STPG2: variants seen among roughly 807,000 people sequenced by gnomAD.
STPG2 encodes sperm tail PG-rich repeat containing 2, also known as sperm-tail PG-rich repeat-containing protein 2.
Under a neutral mutation model 54.2 loss-of-function variants are expected in STPG2, and 56 were observed. That is an observed-to-expected ratio of 1.03 (90% CI 0.83 to 1.29). STPG2 has a LOEUF of 1.29. Among genes scored for constraint, STPG2 ranks in the 50% most tolerant of loss-of-function variants. STPG2 has a pLI of 0.00. For synonymous variants in STPG2, 200 were observed against 181.8 expected (o/e 1.10, Z -0.81); for missense variants, 596 against 544.9 (o/e 1.09, Z -0.93).
chr4:97,536,577 A>G (rs2148857164), intron 4 of STPG2, among the ~76,000 whole-genome samples: 1 of 152,298 alleles, frequency 6.6e-6, no homozygotes, highest in African/African-American at 2.4e-5. Flanking sequence ...TTCAAACATC[A>G]CTGGCTAGTG....
At chr4:97,528,825 C>T (rs998933438) in intron 4 of STPG2, among the ~76,000 whole-genome samples, 2 of 152,120 alleles carry the variant, frequency 1.3e-5, no homozygotes, top group African/African-American at 2.4e-5. Context: ...TATAGGAATG[C>T]TTGTGATTTT....
intron 9 of STPG2, among the ~76,000 whole-genome samples, chr4:97,793,624 C>A (rs2149082703): frequency 6.6e-6 from 1 of 150,994 alleles, no homozygotes; most frequent in South Asian, 2.1e-4. Flanking sequence ...GGTCTGAATG[C>A]AAAAAGAAAC....
chr4:97,466,742 A>C (rs1042880178), intron 4 of STPG2, among the ~76,000 whole-genome samples: 2 of 152,050 alleles, frequency 1.3e-5, no homozygotes, highest in African/African-American at 4.8e-5. Flanking sequence ...CAGAAATATA[A>C]GAACAAAATA....
At chr4:97,454,442 A>G (rs1435157308) in intron 4 of STPG2, among the ~76,000 whole-genome samples, 1 of 142,104 alleles carries the variant, frequency 7.0e-6, no homozygotes, top group Non-Finnish European at 1.5e-5. Context: ...GAACCCGGGA[A>G]GCAGAGCTTG....
At chr4:98,005,347 C>A (rs1735545372) in intron 5 of STPG2, among the ~76,000 whole-genome samples, 1 of 152,152 alleles carries the variant, frequency 6.6e-6, no homozygotes, top group Admixed American at 6.6e-5. Context: ...ATCCTTCAAT[C>A]CAATCAAGTT....
intron 5 of STPG2, among the ~76,000 whole-genome samples, chr4:98,098,614 G>A (rs997513593): frequency 1.3e-5 from 2 of 151,990 alleles, no homozygotes; most frequent in African/African-American, 4.8e-5. Flanking sequence ...AAGCAAAAAT[G>A]GACAAATGGT....
chr4:97,463,772 A>G (rs1729725049), intron 4 of STPG2, among the ~76,000 whole-genome samples: 1 of 152,182 alleles, frequency 6.6e-6, no homozygotes, highest in South Asian at 2.1e-4. Flanking sequence ...ATTATCTTAC[A>G]TTAGTATATT....
intron 10 of STPG2, among the ~76,000 whole-genome samples, chr4:97,697,455 C>T (rs1254563558): frequency 6.6e-6 from 1 of 152,172 alleles, no homozygotes; most frequent in Admixed American, 6.6e-5. Flanking sequence ...TGGATAAAAA[C>T]ACTTGGAGGC....
At chr4:97,681,131 A>C (rs1357432531) in intron 10 of STPG2, among the ~76,000 whole-genome samples, 2 of 151,960 alleles carry the variant, frequency 1.3e-5, no homozygotes, top group Admixed American at 1.3e-4. Context: ...TTTCCTGGTG[A>C]AATACAGATG....
At chr4:97,481,810 T>A (rs528596345) in intron 4 of STPG2, among the ~76,000 whole-genome samples, 1 of 151,744 alleles carries the variant, frequency 6.6e-6, no homozygotes, top group East Asian at 1.9e-4. Flanking sequence ...GTTTTACTAC[T>A]TCTTTTCCAA....
At chr4:97,696,517 A>G (rs1348706897) in intron 10 of STPG2, among the ~76,000 whole-genome samples, 5 of 152,220 alleles carry the variant, frequency 3.3e-5, no homozygotes, top group African/African-American at 1.2e-4. Context: ...AATAGAGATA[A>G]ATAGATGGGA....
chr4:97,843,298 T>A (rs1728855809), intron 8 of STPG2, among the ~76,000 whole-genome samples: 1 of 151,462 alleles, frequency 6.6e-6, no homozygotes, highest in Non-Finnish European at 1.5e-5. Flanking sequence ...ACACAAAAGC[T>A]AAAAATGTCT....
At chr4:97,612,649 G>C (rs1257716269) in intron 10 of STPG2, among the ~76,000 whole-genome samples, 1 of 152,036 alleles carries the variant, frequency 6.6e-6, no homozygotes, top group Non-Finnish European at 1.5e-5. Flanking sequence ...TTACAAAGGA[G>C]GCTGGGGAAT....
At chr4:98,135,616 T>C (rs1259074104) in intron 1 of STPG2, among the ~76,000 whole-genome samples, 1 of 151,720 alleles carries the variant, frequency 6.6e-6, no homozygotes, top group African/African-American at 2.4e-5. Context: ...AAGGTGTTAA[T>C]TTAGTGACTG....
chr4:97,548,358 A>C (rs1731891470), intron 4 of STPG2, among the ~76,000 whole-genome samples: 1 of 152,160 alleles, frequency 6.6e-6, no homozygotes, highest in African/African-American at 2.4e-5. Flanking sequence ...CTGAAACAAA[A>C]AACGAAACAA....
rs558251617 is a variant in STPG2, at chr4:97,548,203, T to C, written c.462+164496A>G. 1.9e-4 allele frequency among the ~76,000 whole-genome samples: 29 copies of C among 152,016 alleles called. No homozygotes were observed. The South Asian group carries it at 5.8e-3, about 30-fold the overall frequency. On this transcript the variant is annotated intron_variant, in intron 4 of 4. Transcript: ENST00000522676. The stretch of plus-strand genomic sequence containing the variant: ...ATGAGTAGTCTGCACAGACTCCTCG[T>C]GAAAATGAAAAGAGTAGGGAGCCTA...
intron 10 of STPG2, among the ~76,000 whole-genome samples, chr4:97,712,311 A>G (rs1435520069): frequency 2.6e-5 from 4 of 152,242 alleles, no homozygotes; most frequent in Non-Finnish European, 4.4e-5. Flanking sequence ...AAAGAGCAAC[A>G]CACAATTTTA....
At chr4:98,110,277 G>A (rs537421306) in intron 3 of STPG2, among the ~76,000 whole-genome samples, 15 of 152,180 alleles carry the variant, frequency 9.9e-5, no homozygotes, top group African/African-American at 3.6e-4. Context: ...GGGAAAGGCA[G>A]TCTCCCAAGA....
intron 9 of STPG2, among the ~76,000 whole-genome samples, chr4:97,735,907 G>C (rs75722638): frequency 0.055 from 8,356 of 152,128 alleles, 349 homozygotes; most frequent in South Asian, 0.17. Context: ...TTTCTCAAAA[G>C]AAGACATGCA....
Sources: allele counts gnomAD v4.1 joint callset (sites outside exome capture counted in the v4.1 genomes callset), GRCh38; gene constraint gnomAD v4.1.1; transcripts MANE v1.5; gene names NCBI Gene and HGNC (gene_info 2026-07-23, HGNC 2026-07-21).